PCDH9: variants seen among roughly 807,000 people sequenced by gnomAD.
PCDH9 encodes the protein protocadherin 9.
Under a neutral mutation model 70.6 loss-of-function variants are expected in PCDH9, and 24 were observed. The observed-to-expected ratio is 0.34, with a 90% CI of 0.25 to 0.48. PCDH9 has a LOEUF of 0.48. Ranked by LOEUF, PCDH9 falls within the 20% of genes least tolerant of loss-of-function variation. PCDH9 has a pLI of 0.99. For synonymous variants in PCDH9, 562 were observed against 558.5 expected, an observed-to-expected ratio of 1.01 and a Z score of -0.09; for missense variants, 1,281 against 1,503.6, an observed-to-expected ratio of 0.85 and a Z score of 2.45.
At chr13:66,457,713 T>G (rs141073000) in intron 4 of PCDH9, among the ~76,000 whole-genome samples, 144 of 152,188 alleles carry the variant, frequency 9.5e-4, no homozygotes, top group African/African-American at 3.2e-3. Flanking sequence ...TGGCAACCAC[T>G]GAGTTATGTT....
chr13:67,158,025 C>T (rs1487560319), intron 2 of PCDH9, among the ~76,000 whole-genome samples: 1 of 152,152 alleles, frequency 6.6e-6, no homozygotes, highest in Non-Finnish European at 1.5e-5. Flanking sequence ...AAGTAAACTT[C>T]TTACAAAGGT....
intron 4 of PCDH9, among the ~76,000 whole-genome samples, chr13:66,588,659 T>C (rs777528565): frequency 6.6e-6 from 1 of 151,984 alleles, no homozygotes; most frequent in Non-Finnish European, 1.5e-5. Context: ...CATTTCTATG[T>C]TCACTGGAGA....
At chr13:66,820,739 A>G (rs1015698568) in intron 3 of PCDH9, among the ~76,000 whole-genome samples, 3 of 152,184 alleles carry the variant, frequency 2.0e-5, no homozygotes, top group Non-Finnish European at 2.9e-5. Context: ...TTAGCAAACT[A>G]ACAGAGGGAC....
intron 4 of PCDH9, among the ~76,000 whole-genome samples, chr13:66,561,332 C>A (rs546316485): frequency 6.6e-6 from 1 of 152,278 alleles, no homozygotes; most frequent in South Asian, 2.1e-4. Flanking sequence ...CTGTGCCGCC[C>A]GAGCCTCCCG....
chr13:67,180,740 GAATT>G (rs1237256269), intron 2 of PCDH9, among the ~76,000 whole-genome samples: 2 of 152,074 alleles, frequency 1.3e-5, no homozygotes, highest in Non-Finnish European at 2.9e-5. Flanking sequence ...TCTACCTTCA[GAATT>G]AATAGATTGG....
intron 2 of PCDH9, among the ~76,000 whole-genome samples, chr13:67,182,327 G>A (rs771125852): frequency 3.9e-5 from 6 of 152,086 alleles, no homozygotes; most frequent in Non-Finnish European, 5.9e-5. Flanking sequence ...TGAGAGGTTA[G>A]ACACAAATCT....
At chr13:66,747,195 C>T (rs1393438750) in intron 3 of PCDH9, among the ~76,000 whole-genome samples, 3 of 151,830 alleles carry the variant, frequency 2.0e-5, no homozygotes, top group East Asian at 3.9e-4. Flanking sequence ...ACTAAAAATA[C>T]AAAAAATTAG....
At chr13:66,456,727 G>A (rs966273968) in intron 4 of PCDH9, among the ~76,000 whole-genome samples, 1 of 151,864 alleles carries the variant, frequency 6.6e-6, no homozygotes, top group Non-Finnish European at 1.5e-5. Context: ...CTCTTTCCCC[G>A]TTCTTTCTTC....
intron 2 of PCDH9, among the ~76,000 whole-genome samples, chr13:67,008,868 GGAGT>G (rs1187024865): frequency 6.6e-6 from 1 of 151,938 alleles, no homozygotes. Flanking sequence ...TTTCATTGAT[GGAGT>G]ATATCCTGAA....
chr13:66,591,348 A>G (rs2077036879), intron 4 of PCDH9, among the ~76,000 whole-genome samples: 1 of 151,676 alleles, frequency 6.6e-6, no homozygotes, highest in Non-Finnish European at 1.5e-5. Flanking sequence ...TTTCTCATTC[A>G]AATCTGGATT....
rs144094559 is a variant in PCDH9, at chr13:66,680,243, T to C, written c.3139-48832A>G. Among the ~76,000 whole-genome samples, 613 of 152,140 alleles carry C rather than the reference T, an allele frequency of 4.0e-3. 3 individuals carry two copies. Among genetic ancestry groups the C allele is most frequent in the Middle Eastern group, 0.017 (5 of 294 alleles). ...GCAACTGAAACAATACGCAAATATTTTGATGCTGATTCAGTGTTTCCTCAC... is the reference window on the plus strand; with the variant it reads ...GCAACTGAAACAATACGCAAATATTCTGATGCTGATTCAGTGTTTCCTCAC... On this transcript the variant is annotated intron_variant, in intron 3 of 4. Transcript: ENST00000377865.
At chr13:66,518,580 G>GATAT (rs1473045926) in intron 4 of PCDH9, among the ~76,000 whole-genome samples, 1 of 151,998 alleles carries the variant, frequency 6.6e-6, no homozygotes, top group Admixed American at 6.6e-5. Flanking sequence ...GATAAGCAAG[G>GATAT]ATTAAAAGGA....
chr13:66,761,671 T>G (rs900894990), intron 3 of PCDH9, among the ~76,000 whole-genome samples: 1 of 152,316 alleles, frequency 6.6e-6, no homozygotes, highest in East Asian at 1.9e-4. Context: ...TTTGCAGTTT[T>G]CATTCCAATT....
At chr13:66,778,686 C>T (rs540173287) in intron 3 of PCDH9, among the ~76,000 whole-genome samples, 1 of 152,294 alleles carries the variant, frequency 6.6e-6, no homozygotes, top group South Asian at 2.1e-4. Context: ...TATTATTTCA[C>T]ATAAGTCCAG....
At chr13:67,169,949 A>C (rs1281765767) in intron 2 of PCDH9, among the ~76,000 whole-genome samples, 1 of 152,210 alleles carries the variant, frequency 6.6e-6, no homozygotes, top group East Asian at 1.9e-4. Flanking sequence ...CTCTGGAACC[A>C]GTTAGGTACG....
intron 3 of PCDH9, among the ~76,000 whole-genome samples, chr13:66,730,377 A>G (rs1425698336): frequency 6.6e-6 from 1 of 152,190 alleles, no homozygotes; most frequent in Non-Finnish European, 1.5e-5. Context: ...AATGTGGTCA[A>G]CAATCTTGGA....
intron 4 of PCDH9, among the ~76,000 whole-genome samples, chr13:66,461,728 G>T (rs1958429034): frequency 6.6e-6 from 1 of 151,712 alleles, no homozygotes; most frequent in Non-Finnish European, 1.5e-5. Context: ...AATGCCTTGA[G>T]AATTAACAAA....
intron 4 of PCDH9, among the ~76,000 whole-genome samples, chr13:66,450,738 G>A (rs371707855): frequency 5.3e-5 from 8 of 152,092 alleles, no homozygotes; most frequent in African/African-American, 9.7e-5. Context: ...CACTCAGGCC[G>A]GGCACGGTGG....
intron 3 of PCDH9, among the ~76,000 whole-genome samples, chr13:66,758,062 GTTGT>G (rs1292003475): frequency 1.3e-5 from 2 of 151,916 alleles, no homozygotes; most frequent in South Asian, 2.1e-4. Context: ...TACGCAAAAT[GTTGT>G]TTATTATCTT....
Sources: allele counts gnomAD v4.1 joint callset (sites outside exome capture counted in the v4.1 genomes callset), GRCh38; gene constraint gnomAD v4.1.1; transcripts MANE v1.5; gene names NCBI Gene and HGNC (gene_info 2026-07-23, HGNC 2026-07-21).